The following IMMP2L variants were observed in gnomAD, a reference collection of about 807,000 sequenced individuals.
IMMP2L encodes mitochondrial inner membrane protease subunit 2.
A neutral mutation model predicts 19.3 loss-of-function variants in IMMP2L; 18 were observed. That is an observed-to-expected ratio of 0.93 (90% CI 0.64 to 1.38). The LOEUF is 1.38. Among genes scored for constraint, IMMP2L ranks in the 40% most tolerant of loss-of-function variants. The pLI is 0.00. For missense variants in IMMP2L, 233 were observed against 218.2 expected (o/e 1.07, Z -0.43); for synonymous variants, 76 against 73.0 (o/e 1.04, Z -0.21).
chr7:111,166,405 A>ACT (rs1198664086), intron 3 of IMMP2L, among the ~76,000 whole-genome samples: 10 of 151,992 alleles, frequency 6.6e-5, no homozygotes, highest in African/African-American at 2.4e-4. Context: ...ATTATATTAT[A>ACT]CTCTCTCCTA....
At chr7:111,428,933 A>C (rs576568429) in intron 3 of IMMP2L, among the ~76,000 whole-genome samples, 15 of 152,008 alleles carry the variant, frequency 9.9e-5, no homozygotes, top group African/African-American at 2.9e-4. Flanking sequence ...TAAAAATAAA[A>C]TACACAGAGT....
chr7:111,269,055 GGCTCAGGCT>G, intron 3 of IMMP2L, among the ~76,000 whole-genome samples: 1 of 152,092 alleles, frequency 6.6e-6, no homozygotes, highest in Admixed American at 6.6e-5. Flanking sequence ...AGGGAGAGAG[GGCTCAGGCT>G]CTGCCTATGC....
At chr7:111,507,569 GC>G (rs1845046865) in intron 2 of IMMP2L, among the ~76,000 whole-genome samples, 1 of 152,044 alleles carries the variant, frequency 6.6e-6, no homozygotes, top group Non-Finnish European at 1.5e-5. Context: ...TCCAGCGTCT[GC>G]CAACACTCCC....
At chr7:111,211,219 G>C (rs952280836) in intron 3 of IMMP2L, among the ~76,000 whole-genome samples, 2 of 152,174 alleles carry the variant, frequency 1.3e-5, no homozygotes, top group Non-Finnish European at 2.9e-5. Flanking sequence ...ATGCCTTTCA[G>C]ATAGGCCCCA....
chr7:111,286,047 A>C (rs1041124173), intron 3 of IMMP2L, among the ~76,000 whole-genome samples: 1 of 152,154 alleles, frequency 6.6e-6, no homozygotes, highest in Non-Finnish European at 1.5e-5. Context: ...TACCTACAGG[A>C]TTCCAAAAGG....
intron 3 of IMMP2L, among the ~76,000 whole-genome samples, chr7:111,341,013 A>C (rs1438406279): frequency 6.6e-6 from 1 of 152,130 alleles, no homozygotes; most frequent in African/African-American, 2.4e-5. Context: ...ATCAAGCTGT[A>C]CTTTCAAGAT....
At chr7:111,266,615 GTTAC>G (rs1462838374) in intron 3 of IMMP2L, among the ~76,000 whole-genome samples, 1 of 150,836 alleles carries the variant, frequency 6.6e-6, no homozygotes, top group Non-Finnish European at 1.5e-5. Flanking sequence ...GTTTAGGCAA[GTTAC>G]TTTTCTTCCA....
At chr7:110,904,255 A>C (rs1351205251) in intron 4 of IMMP2L, among the ~76,000 whole-genome samples, 3 of 152,064 alleles carry the variant, frequency 2.0e-5, no homozygotes, top group Non-Finnish European at 4.4e-5. Flanking sequence ...TTTTTAGTTG[A>C]CATAGTGCCA....
At chr7:111,273,404 T>C (rs995628810) in intron 3 of IMMP2L, among the ~76,000 whole-genome samples, 1 of 152,052 alleles carries the variant, frequency 6.6e-6, no homozygotes. Context: ...GTAGCCTTAT[T>C]TGACATAATA....
chr7:111,497,620 A>T (rs1010736286), intron 2 of IMMP2L, among the ~76,000 whole-genome samples: 1 of 152,124 alleles, frequency 6.6e-6, no homozygotes, highest in Non-Finnish European at 1.5e-5. Context: ...GAAAAACCTT[A>T]AAAGAATAAA....
At chr7:111,132,886 T>G (rs1396168801) in intron 3 of IMMP2L, among the ~76,000 whole-genome samples, 1 of 151,984 alleles carries the variant, frequency 6.6e-6, no homozygotes, top group East Asian at 1.9e-4. Context: ...TCTATGGAAT[T>G]AAATTGACAT....
At chr7:110,694,920 T>C (rs1409376339) in intron 5 of IMMP2L, among the ~76,000 whole-genome samples, 1 of 152,186 alleles carries the variant, frequency 6.6e-6, no homozygotes, top group African/African-American at 2.4e-5. Flanking sequence ...TGAACATGGA[T>C]AAACCTTGAA....
intron 3 of IMMP2L, among the ~76,000 whole-genome samples, chr7:111,389,703 A>T (rs1347725531): frequency 6.6e-6 from 1 of 152,150 alleles, no homozygotes; most frequent in African/African-American, 2.4e-5. Flanking sequence ...TGTTTCTACA[A>T]GCTTGAAATC....
At chr7:110,962,023 C>A (rs1563114616) in intron 4 of IMMP2L, among the ~76,000 whole-genome samples, 1 of 151,844 alleles carries the variant, frequency 6.6e-6, no homozygotes, top group African/African-American at 2.4e-5. Flanking sequence ...TACATTTATA[C>A]TAAAACTCAT....
intron 5 of IMMP2L, among the ~76,000 whole-genome samples, chr7:110,767,915 C>T (rs1476791269): frequency 6.6e-6 from 1 of 152,158 alleles, no homozygotes; most frequent in Non-Finnish European, 1.5e-5. Context: ...TCTGCTTAAT[C>T]TGTTTATCAG....
intron 5 of IMMP2L, among the ~76,000 whole-genome samples, chr7:110,771,535 G>C (rs1226129620): frequency 6.6e-6 from 1 of 151,998 alleles, no homozygotes; most frequent in East Asian, 1.9e-4. Flanking sequence ...AACCTAGCTG[G>C]GTCTCAAGTT....
At chr7:111,404,323 T>A (rs1296109285) in intron 3 of IMMP2L, among the ~76,000 whole-genome samples, 1 of 152,106 alleles carries the variant, frequency 6.6e-6, no homozygotes, top group East Asian at 1.9e-4. Flanking sequence ...TTTTCCCAGC[T>A]GTCACTGTAA....
intron 3 of IMMP2L, among the ~76,000 whole-genome samples, chr7:111,100,815 CAGTAATGAAATAAG>C (rs1229471438): frequency 6.6e-6 from 1 of 151,410 alleles, no homozygotes; most frequent in Admixed American, 6.6e-5. Context: ...GAATGGAAAT[CAGTAATGAAATAAG>C]GAAAGTTTTA....
intron 3 of IMMP2L, among the ~76,000 whole-genome samples, chr7:111,135,102 G>A (rs1378552902): frequency 6.6e-6 from 1 of 151,860 alleles, no homozygotes; most frequent in Non-Finnish European, 1.5e-5. Flanking sequence ...TAAGTAATTC[G>A]GCACAAACTG....
Sources: gnomAD v4.1 joint callset for allele counts (sites outside exome capture counted in the v4.1 genomes callset) on GRCh38, gnomAD v4.1.1 for gene constraint, MANE v1.5 for transcripts, NCBI Gene and HGNC (gene_info 2026-07-23, HGNC 2026-07-21) for gene names.